The following VPS26B variants were observed in gnomAD, a reference collection of about 807,000 sequenced individuals.
VPS26B encodes the protein VPS26 retromer complex component B.
VPS26B carries 10 observed loss-of-function variants against 33.3 expected under a neutral mutation model. That is an observed-to-expected ratio of 0.30 (90% CI 0.19 to 0.51). The LOEUF (loss-of-function observed/expected upper bound fraction) is 0.51. VPS26B is among the 20% of genes least tolerant of loss of function. VPS26B has a pLI of 0.98. For missense variants in VPS26B, 317 were observed against 452.7 expected (o/e 0.70, Z 2.72); for synonymous variants, 190 against 176.9 (o/e 1.07, Z -0.59).
chr11:134,238,799 G>T (rs1469076454), intron 2 of VPS26B, among the ~76,000 whole-genome samples: 2 of 151,818 alleles, frequency 1.3e-5, no homozygotes, highest in Non-Finnish European at 2.9e-5. Context: ...GTTTCACTGT[G>T]TTAGCCAGGA....
In VPS26B at chr11:134,244,793, G is replaced by A; in HGVS notation, c.722-145G>A. The A allele has an allele frequency of 8.7e-7, 1 of 1,143,500 alleles. No homozygotes were observed. The highest frequency in any genetic ancestry group is 1.2e-6 in the Non-Finnish European group (1 of 838,670). The allele number at this position is 1,143,500 out of a possible 1,614,324, so 70.8% of individuals were successfully genotyped here. A position where few individuals can be genotyped will look rare whatever the true frequency, so the allele number is the denominator to read the frequency against. Reference sequence around the variant, plus strand: ...CATTTTTGTTTCAGCCACCTGCTGGGCAGCAGAGCGACTGCACCTTCCCAG... The same window carrying A: ...CATTTTTGTTTCAGCCACCTGCTGGACAGCAGAGCGACTGCACCTTCCCAG... On this transcript the variant is annotated intron_variant, in intron 4 of 5. Coordinates refer to ENST00000281187, the MANE Select transcript of VPS26B (RefSeq NM_052875.5). This position sits in a 1 kb window ranked among gnomAD's most constrained non-coding sequence, Gnocchi z 4.0.
At position 134,232,383 on chromosome 11, in the gene VPS26B, A is replaced by G. The variant is rs550904665; in HGVS notation, c.224-2514A>G. The stretch of plus-strand genomic sequence containing the variant: ...CCCCTTTGCCCCACAGTGTTTGCAG[A>G]AGTATTGCAGATGGCTTATAAAGGA... On this transcript the variant is annotated intron_variant, in intron 1 of 5. Transcript: ENST00000281187. Among the ~76,000 whole-genome samples the G allele has an allele frequency of 6.9e-4, 105 of 152,318 alleles. 1 individual carries two copies. The highest frequency in any genetic ancestry group is 2.5e-3 in the African/African-American group (104 of 41,564).
intron 1 of VPS26B, 156 bp downstream of exon 1, chr11:134,225,501 C>T: frequency 4.0e-6 from 3 of 751,330 alleles, no homozygotes; most frequent in Non-Finnish European, 6.7e-6. Context: ...CCGTGGGCGA[C>T]TCCCCCTGCG....
intron 1 of VPS26B, among the ~76,000 whole-genome samples, chr11:134,232,694 G>T (rs1938573703): frequency 1.3e-5 from 2 of 152,212 alleles, no homozygotes; most frequent in Non-Finnish European, 2.9e-5. Context: ...TCGCATTTCT[G>T]TATTTTTCCA....
chr11:134,243,026 C>A, intron 3 of VPS26B, 93 bp from the exon 4 acceptor site: 3 of 1,304,768 alleles, frequency 2.3e-6, no homozygotes, highest in South Asian at 1.3e-5. Flanking sequence ...GACGTTTAAC[C>A]AGCACGCTTG....
chr11:134,245,495 C>T lies in VPS26B; in HGVS notation c.916C>T (p.Gln306Ter). 6.2e-7 allele frequency: 1 copy of T among 1,613,958 alleles called. No homozygotes were observed. The highest frequency in any genetic ancestry group is 8.5e-7 in the Non-Finnish European group (1 of 1,179,888). The change falls in exon 6 of 6, where the codon CAG (glutamine) becomes TAG (stop). Residue 306 changes from glutamine (Q) to a stop codon, truncating the protein, a stop_gained. Coordinates refer to ENST00000281187, the MANE Select transcript of VPS26B (RefSeq NM_052875.5). LOFTEE classifies it high-confidence loss of function. This position sits in a 1 kb window ranked among gnomAD's most constrained non-coding sequence, Gnocchi z 4.7. ...GDIVRKSMSHQAAIASQRFEG... is the reference protein window; with the variant it reads ...GDIVRKSMSH ...CATCGTACGGAAGAGCATGTCCCAC[C>T]AGGCGGCCATCGCCTCACAGCGCTT... is the stretch of plus-strand genomic sequence containing the variant.
At chr11:134,241,238 C>T (rs941040600) in intron 3 of VPS26B, among the ~76,000 whole-genome samples, 1 of 152,072 alleles carries the variant, frequency 6.6e-6, no homozygotes, top group Admixed American at 6.6e-5. Context: ...ACCCCCTGGA[C>T]CACTGTCATC....
At chr11:134,233,113 C>T (rs1938580390) in intron 1 of VPS26B, among the ~76,000 whole-genome samples, 1 of 152,148 alleles carries the variant, frequency 6.6e-6, no homozygotes, top group Non-Finnish European at 1.5e-5. Flanking sequence ...AAAGGAAGGT[C>T]ATTGTTTGTA....
chr11:134,231,611 A>C (rs1358922797), intron 1 of VPS26B, among the ~76,000 whole-genome samples: 1 of 150,266 alleles, frequency 6.7e-6, no homozygotes, highest in African/African-American at 2.5e-5. Flanking sequence ...GTCGCCCAGG[A>C]TAGAGTGCAA....
chr11:134,225,213 G>A lies in VPS26B; in HGVS notation c.91G>A (p.Asp31Asn), dbSNP rs762627075. The A allele has an allele frequency of 1.4e-5, 22 of 1,614,080 alleles. No homozygotes were observed. Among genetic ancestry groups the A allele is most frequent in the Middle Eastern group, 1.6e-4 (1 of 6,084 alleles). Residue 31 changes from aspartate to asparagine, a missense_variant, in exon 1 of 6, where the codon GAC becomes AAC. Transcript: ENST00000281187. ...SRKRAEHKTE[D>N]GKKEKYFLFY... is the part of the protein sequence containing the mutation. ...GAAGCGGGCCGAGCACAAGACGGAG[G>A]ACGGGAAGAAGGAGAAATATTTCCT...
chr11:134,245,399 T>C lies in VPS26B; in HGVS notation c.865-45T>C. The C allele has an allele frequency of 1.9e-6, 3 of 1,607,330 alleles. No homozygotes were observed. The highest frequency in any genetic ancestry group is 2.2e-5 in the South Asian group (2 of 90,934). ...GGAGCCTCTAGGAAACCTGTCCCCA[T>C]GCCTCCCTCTAAGGTGTCACATTGC... is the stretch of plus-strand genomic sequence containing the variant. On this transcript the variant is annotated intron_variant, in intron 5 of 5. Coordinates refer to ENST00000281187, the MANE Select transcript of VPS26B (RefSeq NM_052875.5). This position sits in a 1 kb window ranked among gnomAD's most constrained non-coding sequence, Gnocchi z 4.7.
chr11:134,240,373 A>G lies in VPS26B; in HGVS notation c.545+218A>G, dbSNP rs1375484123. On this transcript the variant is annotated intron_variant, in intron 3 of 5. Transcript: ENST00000281187. The surrounding 1 kb of genome is among the most constrained non-coding windows in gnomAD (Gnocchi z 4.4). Reference sequence around the variant, plus strand: ...ACTTCATTTACCTAAACTAAACCATATTCAACTAAGGTGGTGTCTTTAAGT... The same window carrying G: ...ACTTCATTTACCTAAACTAAACCATGTTCAACTAAGGTGGTGTCTTTAAGT... Among the ~76,000 whole-genome samples the G allele has an allele frequency of 6.6e-6, 1 of 152,146 alleles. No individual in the cohort carries two copies. Among genetic ancestry groups the G allele is most frequent in the Admixed American group, 6.5e-5 (1 of 15,276 alleles).
At chr11:134,239,539 C>T (rs140267885) in intron 2 of VPS26B, 165 of 182,004 alleles carry the variant, frequency 9.1e-4, no homozygotes, top group African/African-American at 3.8e-3. Flanking sequence ...GAATATTGTT[C>T]GGTGAACAAA....
chr11:134,243,074 G>A (rs756251538), intron 3 of VPS26B, 45 bp from the exon 4 acceptor site: 1 of 1,603,068 alleles, frequency 6.2e-7, no homozygotes, highest in Admixed American at 1.7e-5. Context: ...AGAAAGGTCT[G>A]GCCACAGTAC....
In VPS26B at chr11:134,247,731, T is replaced by C. The variant is rs778414767; in HGVS notation, c.*2141T>C. Reference sequence around the variant, plus strand: ...ATTAAAAGAAGAACGTTTGTTTTAATGGTCTTTCTGATTAAAGAAAGCCCC... The same window carrying C: ...ATTAAAAGAAGAACGTTTGTTTTAACGGTCTTTCTGATTAAAGAAAGCCCC... On this transcript the variant is annotated 3_prime_UTR_variant, in exon 6 of 6. Coordinates refer to ENST00000281187, the MANE Select transcript of VPS26B (RefSeq NM_052875.5). 6.5e-6 allele frequency: 1 copy of C among 154,840 alleles called. No homozygotes were observed. The highest frequency in any genetic ancestry group is 6.4e-5 in the Admixed American group (1 of 15,736). 9.6% of individuals were successfully genotyped at this position (154,840 alleles called of 1,614,324 possible). A position where few individuals can be genotyped will look rare whatever the true frequency, so the allele number is the denominator to read the frequency against.
Position 134,245,637 on chromosome 11 carries a change from C to T in VPS26B, c.*47C>T, listed in dbSNP as rs1340396863. On this transcript the variant is annotated 3_prime_UTR_variant, in exon 6 of 6. Transcript: ENST00000281187. The surrounding 1 kb of genome is among the most constrained non-coding windows in gnomAD (Gnocchi z 4.7). ...CTGGGCACCCACCCAGCACCCCCAT[C>T]TACCAACACCAGCGGCTGGGGGCGG... 2 of 1,558,856 alleles carry T rather than the reference C, an allele frequency of 1.3e-6. No homozygotes were observed. Among genetic ancestry groups the T allele is most frequent in the Non-Finnish European group, 1.7e-6 (2 of 1,152,934 alleles).
Position 134,245,023 on chromosome 11 carries a change from C to G in VPS26B, c.807C>G (p.Arg269=). Residue 269 remains arginine (R), a synonymous_variant, in exon 5 of 6, where the codon CGC becomes CGG. Coordinates refer to ENST00000281187, the MANE Select transcript of VPS26B (RefSeq NM_052875.5). This position sits in a 1 kb window ranked among gnomAD's most constrained non-coding sequence, Gnocchi z 4.7. ...ACATCAACAAGAAGTTCTCTGTGCG[C>G]TATTACCTCAACCTGGTGCTGATAG... ...MRDINKKFSV[R]YYLNLVLIDE... is the part of the protein sequence containing the mutation. The G allele has an allele frequency of 6.2e-7, 1 of 1,614,190 alleles. No homozygotes were observed. Among genetic ancestry groups the G allele is most frequent in the South Asian group, 1.1e-5 (1 of 91,092 alleles).
rs765524409 is a variant in VPS26B, at chr11:134,245,601, C to T, written c.*11C>T. ...AACTGCAGGCAGTAGGCCCCCAGGG[C>T]CGAGAAGATGCTGGGCACCCACCCA... On this transcript the variant is annotated 3_prime_UTR_variant, in exon 6 of 6. Transcript: ENST00000281187. This position sits in a 1 kb window ranked among gnomAD's most constrained non-coding sequence, Gnocchi z 4.7. 8 of 1,600,468 alleles carry T rather than the reference C, an allele frequency of 5.0e-6. No homozygotes were observed. Among genetic ancestry groups the T allele is most frequent in the Admixed American group, 1.7e-5 (1 of 59,370 alleles).
intron 1 of VPS26B, among the ~76,000 whole-genome samples, chr11:134,226,159 G>A (rs1474354214): frequency 1.3e-5 from 2 of 152,180 alleles, no homozygotes; most frequent in African/African-American, 2.4e-5. Flanking sequence ...CCAGCACTTT[G>A]AGAGGCTGAA....
Sources: allele counts gnomAD v4.1 joint callset (sites outside exome capture counted in the v4.1 genomes callset), GRCh38; gene constraint gnomAD v4.1.1; non-coding constraint Gnocchi (gnomAD v3.1); transcripts MANE v1.5; gene names NCBI Gene and HGNC (gene_info 2026-07-23, HGNC 2026-07-21).